CEP290: variants seen among roughly 807,000 people sequenced by gnomAD.
CEP290 encodes centrosomal protein 290, also known as centrosomal protein of 290 kDa.
Under a neutral mutation model 344.9 loss-of-function variants are expected in CEP290, and 317 were observed. That is an observed-to-expected ratio of 0.92 (90% CI 0.84 to 1.01). The LOEUF (loss-of-function observed/expected upper bound fraction) is 1.01. CEP290 is among the 50% of genes least tolerant of loss of function. The probability of loss-of-function intolerance (pLI) is 0.00; values close to 1 mark genes in which losing one functional copy is unlikely to be tolerated. For missense variants in CEP290, 2,754 were observed against 2,761.4 expected, an observed-to-expected ratio of 1.00 and a Z score of 0.06; for synonymous variants, 932 against 895.8, an observed-to-expected ratio of 1.04 and a Z score of -0.72.
At position 88,114,544 on chromosome 12, in the gene CEP290, T is replaced by C. The variant is rs2137782765; in HGVS notation, c.1928A>G (p.Glu643Gly). ...FQNKLKELVE[E>G]NKQLEEGMKE... Reference sequence around the variant, plus strand: ...CATACCTTCTTCAAGTTGCTTATTTTCTTCAACTAATTCTTTTACTGTAAT... The same window carrying C: ...CATACCTTCTTCAAGTTGCTTATTTCCTTCAACTAATTCTTTTACTGTAAT... The change falls in exon 20 of 54, where the codon GAA (glutamate) becomes GGA (glycine). Residue 643 changes from glutamate to glycine, a missense_variant. Transcript: ENST00000552810. 6.5e-7 allele frequency: 1 copy of C among 1,537,242 alleles called. No individual in the cohort carries two copies. Among genetic ancestry groups the C allele is most frequent in the Non-Finnish European group, 8.8e-7 (1 of 1,141,902 alleles).
chr12:88,093,954 T>C lies in CEP290; in HGVS notation c.3125A>G (p.Lys1042Arg), dbSNP rs2037240546. The change falls in exon 28 of 54, where the codon AAG becomes AGG. Residue 1042 changes from lysine to arginine, a missense_variant. Coordinates refer to ENST00000552810, the MANE Select transcript of CEP290 (RefSeq NM_025114.4). ...TKLGNESSMD[K>R]AKKSITNSDI... Reference sequence around the variant, plus strand: ...ACTGTTGGTTATTGATTTCTTTGCCTTATCCATGCTAGATTCATTACCTAC... The same window carrying C: ...ACTGTTGGTTATTGATTTCTTTGCCCTATCCATGCTAGATTCATTACCTAC... 1 of 1,610,154 alleles carries C rather than the reference T, an allele frequency of 6.2e-7. No homozygotes were observed. The highest frequency in any genetic ancestry group is 8.5e-7 in the Non-Finnish European group (1 of 1,178,456).
chr12:88,141,121 T>C (rs2040628227), intron 2 of CEP290, 85 bp downstream of exon 2: 6 of 1,303,800 alleles, frequency 4.6e-6, no homozygotes. Flanking sequence ...ATTATAGTTG[T>C]CCCTGAAAAA....
chr12:88,071,511 A>G lies in CEP290; in HGVS notation c.5856-62T>C, dbSNP rs186455534. 146 of 1,370,186 alleles carry G rather than the reference A, an allele frequency of 1.1e-4. 3 individuals are homozygous for G. The Admixed American group carries it at 3.4e-3, about 32-fold the overall frequency. 84.9% of individuals were successfully genotyped at this position (1,370,186 alleles called of 1,614,324 possible). A position where few individuals can be genotyped will look rare whatever the true frequency, so the allele number is the denominator to read the frequency against. ...TCAGTGTTTGGCTTTTCAATTGCAT[A>G]CTCATTACCAAACCAAATTACAATA... On this transcript the variant is annotated intron_variant, in intron 42 of 53. Transcript: ENST00000552810.
At chr12:88,136,415 A>T (rs1258515476) in intron 6 of CEP290, 1 of 462,226 alleles carries the variant, frequency 2.2e-6, no homozygotes, top group Non-Finnish European at 3.8e-6. Flanking sequence ...CCTGAGAAAA[A>T]TGTACTTCCA....
At chr12:88,111,656 T>C in intron 21 of CEP290, 38 bp downstream of exon 21, 2 of 1,504,698 alleles carry the variant, frequency 1.3e-6, no homozygotes, top group Non-Finnish European at 1.8e-6. Flanking sequence ...TCTACATTCT[T>C]ATGTTTAGCA....
rs1389544040 is a variant in CEP290, at chr12:88,083,908, A to C, written c.4751T>G (p.Leu1584Arg). 3 of 1,599,784 alleles carry C rather than the reference A, an allele frequency of 1.9e-6. No homozygotes were observed. Among genetic ancestry groups the C allele is most frequent in the South Asian group, 2.3e-5 (2 of 87,706 alleles). ...VKKHEEDLHI[L>R]HHRLELQADS... ...AGCCTGTAGTTCTAATCTGTGATGA[A>C]GAATATGAAGGTCTTCCTCATGTTT... The change falls in exon 36 of 54, where the codon CTT becomes CGT. Residue 1584 changes from leucine (L) to arginine (R), a missense_variant. Physicochemically the swap from Leu to Arg is moderately radical, Grantham distance 102 (BLOSUM62 -2). Coordinates refer to ENST00000552810, the MANE Select transcript of CEP290 (RefSeq NM_025114.4).
Position 88,060,904 on chromosome 12 carries a change from G to T in CEP290, c.6448C>A (p.Gln2150Lys). The T allele has an allele frequency of 6.5e-7, 1 of 1,549,106 alleles. No individual in the cohort carries two copies. Among genetic ancestry groups the T allele is most frequent in the Non-Finnish European group, 8.7e-7 (1 of 1,146,492 alleles). Residue 2150 changes from glutamine to lysine, a missense_variant, in exon 47 of 54, where the codon CAG becomes AAG. Gln to Lys is a moderately conservative substitution (Grantham distance 53). Coordinates refer to ENST00000552810, the MANE Select transcript of CEP290 (RefSeq NM_025114.4). Reference protein sequence around the residue: ...VVEKVQRENEQLKKASGILTS... With the variant: ...VVEKVQRENEKLKKASGILTS... ...AATATTCCTGATGCTTTTTTCAACT[G>T]TTCATTTTCTCTCTGGACTTTTTCA...
chr12:88,118,456 T>C (rs1276081740), intron 17 of CEP290, 27 bp downstream of exon 17: 1 of 1,499,174 alleles, frequency 6.7e-7, no homozygotes, highest in Non-Finnish European at 9.0e-7. Flanking sequence ...ATAATTCTTT[T>C]TAAAGGTTTA....
intron 13 of CEP290, among the ~76,000 whole-genome samples, chr12:88,121,476 C>T (rs2039395645): frequency 6.6e-6 from 1 of 151,978 alleles, no homozygotes; most frequent in South Asian, 2.1e-4. Context: ...CCCTTTTGTC[C>T]ACTGTACTAA....
At chr12:88,059,114 C>A in intron 48 of CEP290, 94 bp from the exon 49 acceptor site, 1 of 1,010,290 alleles carries the variant, frequency 9.9e-7, no homozygotes. Flanking sequence ...AATTGGAAAA[C>A]AAAAATAACC....
Position 88,080,358 on chromosome 12 carries a change from T to C in CEP290, c.5050A>G (p.Lys1684Glu). The C allele has an allele frequency of 6.2e-7, 1 of 1,613,574 alleles. No individual in the cohort carries two copies. The highest frequency in any genetic ancestry group is 2.2e-5 in the East Asian group (1 of 44,870). Residue 1684 changes from lysine (K) to glutamate (E), a missense_variant, in exon 38 of 54, where the codon AAA becomes GAA. Physicochemically the swap from Lys to Glu is moderately conservative, Grantham distance 56 (BLOSUM62 1). Coordinates refer to ENST00000552810, the MANE Select transcript of CEP290 (RefSeq NM_025114.4). Reference protein sequence around the residue: ...ENHEDEVKKVKAEVEDLKYLL... With the variant: ...ENHEDEVKKVEAEVEDLKYLL... ...TACTTTAAATCCTCTACTTCCGCTT[T>C]TACTTTTTTCACTTCATCTTCATGG...
chr12:88,109,747 C>T (rs2038544991), intron 22 of CEP290, among the ~76,000 whole-genome samples: 1 of 152,084 alleles, frequency 6.6e-6, no homozygotes, highest in African/African-American at 2.4e-5. Context: ...GTCTAAGTAC[C>T]TGTTTTGCCA....
intron 22 of CEP290, 59 bp downstream of exon 22, chr12:88,111,143 C>A: frequency 1.1e-6 from 1 of 944,230 alleles, no homozygotes; most frequent in Non-Finnish European, 1.5e-6. Context: ...AACATACTAC[C>A]AATGATTTTT....
At chr12:88,073,698 G>A (rs765124858) in intron 41 of CEP290, among the ~76,000 whole-genome samples, 20 of 151,986 alleles carry the variant, frequency 1.3e-4, no homozygotes, top group African/African-American at 1.7e-4. Context: ...TTGGGAGGCC[G>A]AGGCAGGAAG....
intron 41 of CEP290, among the ~76,000 whole-genome samples, chr12:88,073,545 A>G (rs989631149): frequency 2.6e-5 from 4 of 152,208 alleles, no homozygotes; most frequent in African/African-American, 9.6e-5. Context: ...TATGTTAACT[A>G]TGCATTTCAA....
At chr12:88,130,735 A>T (rs2040018533) in intron 7 of CEP290, among the ~76,000 whole-genome samples, 170 bp from the exon 8 acceptor site, 1 of 152,130 alleles carries the variant, frequency 6.6e-6, no homozygotes, top group Non-Finnish European at 1.5e-5. Flanking sequence ...TAATATTTCA[A>T]TTATGTTAGA....
In CEP290 at chr12:88,083,103, ACTTT is replaced by A; in HGVS notation, c.4936_4939del (p.Lys1646TyrfsTer14). On this transcript the variant is annotated frameshift_variant, in exon 37 of 54. Transcript: ENST00000552810. LOFTEE classifies it high-confidence loss of function. ...TCTTTGTCTCTCCAAATCTTGTGAT[ACTTT>A]CTTTAGTTTGACCAAGAGTGAGGAA... 6.5e-7 allele frequency: 1 copy of A among 1,541,010 alleles called. No individual in the cohort carries two copies. Among genetic ancestry groups the A allele is most frequent in the Non-Finnish European group, 8.8e-7 (1 of 1,142,478 alleles).
chr12:88,116,939 A>T (rs1404145288), intron 18 of CEP290, 94 bp downstream of exon 18: 13 of 618,338 alleles, frequency 2.1e-5, no homozygotes, highest in Non-Finnish European at 3.3e-5. Context: ...GCGCCACTGC[A>T]CTCCAGCCTG....
intron 46 of CEP290, among the ~76,000 whole-genome samples, chr12:88,061,461 T>C (rs2034475414): frequency 6.6e-6 from 1 of 152,210 alleles, no homozygotes; most frequent in Non-Finnish European, 1.5e-5. Flanking sequence ...TTCTGTTTAA[T>C]ATAAATAGAA....
Sources: allele counts gnomAD v4.1 joint callset (sites outside exome capture counted in the v4.1 genomes callset), GRCh38; gene constraint gnomAD v4.1.1; transcripts MANE v1.5; gene names NCBI Gene and HGNC (gene_info 2026-07-23, HGNC 2026-07-21).